RSPO2: variants seen among roughly 807,000 people sequenced by gnomAD.
The protein encoded by RSPO2 is R-spondin-2.
In RSPO2, 14 loss-of-function variants were observed where a neutral mutation model predicts 30.9. The ratio of observed to expected loss-of-function variants is 0.45; its 90% CI spans 0.30 to 0.71. RSPO2 has a LOEUF of 0.71. RSPO2 is among the 30% of genes least tolerant of loss of function. RSPO2 has a pLI of 0.08. For missense variants in RSPO2, 264 were observed against 301.9 expected (o/e 0.87, Z 0.93); for synonymous variants, 107 against 96.4 (o/e 1.11, Z -0.64).
intron 3 of RSPO2, 31 bp downstream of exon 3, chr8:107,989,025 C>G (rs780727862): frequency 6.6e-7 from 1 of 1,526,312 alleles, no homozygotes; most frequent in East Asian, 2.4e-5. Context: ...GCATATCCAG[C>G]AATACAGGAT....
At chr8:107,914,894 G>A (rs1811933380) in intron 5 of RSPO2, among the ~76,000 whole-genome samples, 1 of 152,024 alleles carries the variant, frequency 6.6e-6, no homozygotes, top group Non-Finnish European at 1.5e-5. Flanking sequence ...AATGCCCAGG[G>A]CTCATCATCT....
At chr8:107,949,418 G>A (rs370908482) in intron 5 of RSPO2, among the ~76,000 whole-genome samples, 2 of 149,880 alleles carry the variant, frequency 1.3e-5, no homozygotes, top group East Asian at 3.9e-4. Context: ...ATCTAGGTTG[G>A]TTCCATATTT....
intron 2 of RSPO2, among the ~76,000 whole-genome samples, chr8:108,044,804 C>T (rs567442868): frequency 6.6e-6 from 1 of 152,232 alleles, no homozygotes; most frequent in African/African-American, 2.4e-5. Context: ...AGTGGCTAAA[C>T]TAATTTACAC....
At chr8:108,067,665 T>C (rs1812712347) in intron 2 of RSPO2, among the ~76,000 whole-genome samples, 1 of 152,216 alleles carries the variant, frequency 6.6e-6, no homozygotes, top group African/African-American at 2.4e-5. Flanking sequence ...TTTGACACTA[T>C]TCAAAATCAG....
chr8:107,978,296 T>C (rs1586595772), intron 3 of RSPO2, among the ~76,000 whole-genome samples: 1 of 151,924 alleles, frequency 6.6e-6, no homozygotes, highest in Non-Finnish European at 1.5e-5. Context: ...GCATGGTGGT[T>C]GGCATCTGTA....
rs373839538 is a variant in RSPO2, at chr8:107,905,320, A to C, written c.617-4130T>G. 1.6e-4 allele frequency among the ~76,000 whole-genome samples: 25 copies of C among 152,132 alleles called. 1 individual carries two copies. The East Asian group carries it at 3.7e-3, about 22-fold the overall frequency. On this transcript the variant is annotated intron_variant, in intron 5 of 5. Coordinates refer to ENST00000276659, the MANE Select transcript of RSPO2 (RefSeq NM_178565.5). ...TTTAATGGAAGAAAACTAAAGAAAAATTTCAGTAGCTTTGACTATAAAAGA... is the reference window on the plus strand; with the variant it reads ...TTTAATGGAAGAAAACTAAAGAAAACTTTCAGTAGCTTTGACTATAAAAGA...
chr8:108,067,009 G>A (rs1404894129), intron 2 of RSPO2, among the ~76,000 whole-genome samples: 2 of 152,156 alleles, frequency 1.3e-5, no homozygotes, highest in Non-Finnish European at 2.9e-5. Flanking sequence ...AGAACTTCTA[G>A]TTCACAGAAA....
At chr8:108,083,097 C>T (rs115625806) in intron 1 of RSPO2, 100 bp downstream of exon 1, 3,002 of 158,726 alleles carry the variant, frequency 0.019, 99 homozygotes, top group African/African-American at 0.066. Flanking sequence ...TCTAAAGGCA[C>T]TGAGAGCGCA....
chr8:107,968,608 A>C (rs1813893986), intron 3 of RSPO2, among the ~76,000 whole-genome samples: 1 of 152,168 alleles, frequency 6.6e-6, no homozygotes, highest in South Asian at 2.1e-4. Flanking sequence ...CACAAAAAAA[A>C]TAAATGTTTG....
chr8:107,983,180 T>C, intron 3 of RSPO2: 1 of 1,550,852 alleles, frequency 6.4e-7, no homozygotes, highest in Non-Finnish European at 8.8e-7. Context: ...GACCGTTTAT[T>C]AGCTGTAGGC....
At chr8:107,942,354 T>C (rs1196188896) in intron 5 of RSPO2, among the ~76,000 whole-genome samples, 2 of 152,216 alleles carry the variant, frequency 1.3e-5, no homozygotes, top group Non-Finnish European at 2.9e-5. Context: ...TATGATCTAA[T>C]GCCCACGCCT....
At chr8:107,937,151 G>GTGGTTTTTTTTTTTT (rs1812744963) in intron 5 of RSPO2, among the ~76,000 whole-genome samples, 1 of 107,724 alleles carries the variant, frequency 9.3e-6, no homozygotes, top group Non-Finnish European at 2.1e-5. Flanking sequence ...TCCATCTTCA[G>GTGGTTTTTTTTTTTT]TTGTTTTTTT....
chr8:107,905,564 A>G (rs957004182), intron 5 of RSPO2, among the ~76,000 whole-genome samples: 1 of 152,074 alleles, frequency 6.6e-6, no homozygotes, highest in Non-Finnish European at 1.5e-5. Flanking sequence ...TCACTGAATT[A>G]TAAAATTCAT....
chr8:108,024,604 A>G (rs1811147562), intron 2 of RSPO2, among the ~76,000 whole-genome samples: 1 of 152,212 alleles, frequency 6.6e-6, no homozygotes, highest in Non-Finnish European at 1.5e-5. Context: ...GTGGAAACAG[A>G]GTGACAGGCA....
At position 107,980,984 on chromosome 8, in the gene RSPO2, G is replaced by A. The variant is rs1414153449; in HGVS notation, c.283+8072C>T. On this transcript the variant is annotated intron_variant, in intron 3 of 5. Transcript: ENST00000276659. The stretch of plus-strand genomic sequence containing the variant: ...CTAATGGTCTAAGTATCCTCCAAAC[G>A]AAGACATTTGTTATTTTTAATTTTA... 3.9e-5 allele frequency among the ~76,000 whole-genome samples: 6 copies of A among 152,108 alleles called. No individual in the cohort carries two copies. In the South Asian group the frequency reaches 8.3e-4, roughly 21 times the overall value.
chr8:108,070,278 CTTTTTTTTTTTTT>C (rs1050611219), intron 2 of RSPO2, among the ~76,000 whole-genome samples: 1 of 81,190 alleles, frequency 1.2e-5, no homozygotes, highest in African/African-American at 4.8e-5. Flanking sequence ...GACCCCATCT[CTTTTTTTTTTTTT>C]TTTTTTTTTT....
chr8:108,023,837 G>A (rs1328610921), intron 2 of RSPO2, among the ~76,000 whole-genome samples: 1 of 152,146 alleles, frequency 6.6e-6, no homozygotes, highest in East Asian at 1.9e-4. Flanking sequence ...TATCCTGTAT[G>A]GGGAGGAGGA....
chr8:107,962,234 A>G (rs935186502), intron 3 of RSPO2, among the ~76,000 whole-genome samples: 6 of 152,200 alleles, frequency 3.9e-5, no homozygotes, highest in African/African-American at 1.4e-4. Context: ...ATGTAGCCAA[A>G]ATGTTAAATC....
At chr8:107,910,281 C>T (rs993998552) in intron 5 of RSPO2, among the ~76,000 whole-genome samples, 2 of 152,214 alleles carry the variant, frequency 1.3e-5, no homozygotes, top group African/African-American at 4.8e-5. Flanking sequence ...AGACCATTGT[C>T]ATATGGCAGC....
Sources: gnomAD v4.1 joint callset for allele counts (sites outside exome capture counted in the v4.1 genomes callset) on GRCh38, gnomAD v4.1.1 for gene constraint, MANE v1.5 for transcripts, NCBI Gene and HGNC (gene_info 2026-07-23, HGNC 2026-07-21) for gene names.